TTLL1: variants seen among roughly 807,000 people sequenced by gnomAD.
TTLL1 encodes the protein TTL family tubulin polyglutamylase complex subunit L1.
In TTLL1, 33 loss-of-function variants were observed where a neutral mutation model predicts 47.8. The observed-to-expected ratio is 0.69, with a 90% confidence interval of 0.52 to 0.92. The LOEUF (loss-of-function observed/expected upper bound fraction) is 0.92. TTLL1 is among the 40% of genes least tolerant of loss of function. TTLL1 has a pLI of 0.00. For synonymous variants in TTLL1, 225 were observed against 214.1 expected, an observed-to-expected ratio of 1.05 and a Z score of -0.45; for missense variants, 488 against 547.5, an observed-to-expected ratio of 0.89 and a Z score of 1.08.
chr22:43,072,233 A>C (rs1252971512), intron 3 of TTLL1, among the ~76,000 whole-genome samples: 1 of 147,310 alleles, frequency 6.8e-6, no homozygotes, highest in African/African-American at 2.5e-5. Context: ...GGCTCACTGC[A>C]ATCTCCGCCT....
At chr22:43,049,860 G>A (rs907607574) in intron 9 of TTLL1, among the ~76,000 whole-genome samples, 2 of 151,972 alleles carry the variant, frequency 1.3e-5, no homozygotes, top group Admixed American at 6.6e-5. Context: ...TTGGGAGGCC[G>A]AGGCAGGCAA....
chr22:43,081,636 G>A (rs1043008716), intron 1 of TTLL1, among the ~76,000 whole-genome samples: 3 of 151,834 alleles, frequency 2.0e-5, no homozygotes, highest in Non-Finnish European at 1.5e-5. Flanking sequence ...TGCAACCTCC[G>A]CCTCCTGGGT....
At chr22:43,061,917 G>C (rs1211602431) in intron 7 of TTLL1, among the ~76,000 whole-genome samples, 3 of 152,196 alleles carry the variant, frequency 2.0e-5, no homozygotes, top group Non-Finnish European at 1.5e-5. Flanking sequence ...CACTGGATAA[G>C]GGGCTTCTTT....
chr22:43,050,932 C>T (rs968749630), intron 9 of TTLL1, among the ~76,000 whole-genome samples: 6 of 152,228 alleles, frequency 3.9e-5, no homozygotes, highest in Non-Finnish European at 8.8e-5. Context: ...GAAAATGCCA[C>T]GATGGAACCA....
At chr22:43,067,863 G>A (rs1420022862) in intron 5 of TTLL1, among the ~76,000 whole-genome samples, 1 of 151,766 alleles carries the variant, frequency 6.6e-6, no homozygotes, top group African/African-American at 2.4e-5. Flanking sequence ...GGAGTGCATG[G>A]CGCGATCTCA....
At chr22:43,046,594 G>A (rs767721313) in intron 9 of TTLL1, 21 bp from the exon 10 acceptor site, 13 of 1,609,712 alleles carry the variant, frequency 8.1e-6, no homozygotes, top group Admixed American at 6.7e-5. Context: ...AAAGACCCAT[G>A]TTCCTCACCT....
intron 5 of TTLL1, among the ~76,000 whole-genome samples, chr22:43,065,553 G>A (rs879676299): frequency 1.3e-5 from 2 of 151,836 alleles, no homozygotes; most frequent in African/African-American, 2.4e-5. Context: ...GCCTCCCAAA[G>A]TGCTGGGATT....
At position 43,063,882 on chromosome 22, in the gene TTLL1, G is replaced by A. The variant is rs1191124513; in HGVS notation, c.678C>T (p.Tyr226=). The A allele has an allele frequency of 6.2e-7, 1 of 1,614,132 alleles. No homozygotes were observed. Among genetic ancestry groups the A allele is most frequent in the African/African-American group, 1.3e-5 (1 of 75,040 alleles). The change falls in exon 7 of 11, where the codon TAC becomes TAT. Residue 226 remains tyrosine (Y), a synonymous_variant. Coordinates refer to ENST00000266254, the MANE Select transcript of TTLL1 (RefSeq NM_012263.5). ...LGFCRFCTVK[Y]TPSTSELDNM... is the part of the protein sequence containing the mutation. ...TGTCCAGCTCACTGGTACTCGGGGT[G>A]TATTTCACTGTGCAGAACCGGCAAA... is the stretch of plus-strand genomic sequence containing the variant.
At chr22:43,063,992 A>AATT in intron 6 of TTLL1, 71 bp from the exon 7 acceptor site, 1 of 1,544,290 alleles carries the variant, frequency 6.5e-7, no homozygotes, top group Admixed American at 1.7e-5. Flanking sequence ...TCATTCTCTA[A>AATT]AAAGAGCTGC....
intron 8 of TTLL1, among the ~76,000 whole-genome samples, chr22:43,056,993 C>T (rs1324564486): frequency 1.3e-5 from 2 of 152,084 alleles, no homozygotes; most frequent in Non-Finnish European, 2.9e-5. Flanking sequence ...AGGTCTTGGC[C>T]AGGCGCGGTG....
chr22:43,071,361 G>A (rs753954447), intron 3 of TTLL1, among the ~76,000 whole-genome samples: 5 of 152,092 alleles, frequency 3.3e-5, no homozygotes, highest in East Asian at 1.9e-4. Context: ...CTGGCCGGGC[G>A]CAGTGGCTCA....
chr22:43,069,877 G>C, intron 3 of TTLL1, 33 bp from the exon 4 acceptor site: 4 of 1,610,978 alleles, frequency 2.5e-6, no homozygotes, highest in Non-Finnish European at 3.4e-6. Context: ...ACACTTGGCA[G>C]TGATGTCTGT....
chr22:43,081,075 C>CACGA, intron 1 of TTLL1, among the ~76,000 whole-genome samples: 21 of 151,920 alleles, frequency 1.4e-4, no homozygotes, highest in African/African-American at 4.8e-4. Flanking sequence ...ATCACCACGC[C>CACGA]TGGTTAATTT....
chr22:43,077,027 G>C (rs1236215417), intron 2 of TTLL1, among the ~76,000 whole-genome samples: 1 of 152,006 alleles, frequency 6.6e-6, no homozygotes, highest in African/African-American at 2.4e-5. Context: ...TGTGAACCCG[G>C]GAGGCGGAGA....
At position 43,064,079 on chromosome 22, in the gene TTLL1, G is replaced by T. The variant is rs111515376; in HGVS notation, c.638+111C>A. 4.3e-4 allele frequency: 663 copies of T among 1,525,324 alleles called. 5 individuals carry two copies. In the African/African-American group the frequency reaches 8.0e-3, roughly 18 times the overall value. 94.5% of individuals were successfully genotyped at this position (1,525,324 alleles called of 1,614,324 possible). On this transcript the variant is annotated intron_variant, in intron 6 of 10. Coordinates refer to ENST00000266254, the MANE Select transcript of TTLL1 (RefSeq NM_012263.5). ...TTACTTCCCTCAATCCCTGCCCCGT[G>T]CCAGGCACCGCACATGCACTGTTTT...
At chr22:43,067,472 C>A (rs1927814655) in intron 5 of TTLL1, among the ~76,000 whole-genome samples, 1 of 152,216 alleles carries the variant, frequency 6.6e-6, no homozygotes, top group Admixed American at 6.5e-5. Flanking sequence ...TCAGAACCAC[C>A]ACGACTGAGC....
At chr22:43,074,891 A>G (rs1004691977) in intron 3 of TTLL1, among the ~76,000 whole-genome samples, 20 of 151,472 alleles carry the variant, frequency 1.3e-4, no homozygotes, top group African/African-American at 4.9e-4. Flanking sequence ...AAAGAAAAAA[A>G]TGTGGCCAGG....
At chr22:43,060,916 C>G (rs760963047) in intron 7 of TTLL1, among the ~76,000 whole-genome samples, 5 of 152,176 alleles carry the variant, frequency 3.3e-5, no homozygotes, top group Admixed American at 2.0e-4. Context: ...AAAAGAAAGT[C>G]CAGGCGCGGT....
In TTLL1 at chr22:43,039,693, G is replaced by A. The variant is rs549826685; in HGVS notation, c.*83C>T. On this transcript the variant is annotated 3_prime_UTR_variant, in exon 11 of 11. Transcript: ENST00000266254. Reference sequence around the variant, plus strand: ...TTACAGGGCTTAGGAAAGGAAAAAAGCTCTACAAAAGGGAAATTTCAAAAT... The same window carrying A: ...TTACAGGGCTTAGGAAAGGAAAAAAACTCTACAAAAGGGAAATTTCAAAAT... 297 of 1,465,974 alleles carry A rather than the reference G, an allele frequency of 2.0e-4. No homozygotes were observed. Among genetic ancestry groups the A allele is most frequent in the Middle Eastern group, 1.1e-3 (6 of 5,376 alleles). 90.8% of individuals were successfully genotyped at this position (1,465,974 alleles called of 1,614,324 possible).
Sources: gnomAD v4.1 joint callset for allele counts (sites outside exome capture counted in the v4.1 genomes callset) on GRCh38, gnomAD v4.1.1 for gene constraint, MANE v1.5 for transcripts, NCBI Gene and HGNC (gene_info 2026-07-23, HGNC 2026-07-21) for gene names.